The following ITSN1 variants were observed in gnomAD, a reference collection of about 807,000 sequenced individuals.
ITSN1 encodes intersectin 1.
A neutral mutation model predicts 239.8 loss-of-function variants in ITSN1; 58 were observed. The ratio of observed to expected loss-of-function variants is 0.24; its 90% CI spans 0.20 to 0.30. The LOEUF is 0.30. ITSN1 is among the 10% of genes least tolerant of loss of function. The probability of loss-of-function intolerance (pLI) is 1.00; values close to 1 mark genes in which losing one functional copy is unlikely to be tolerated. For missense variants in ITSN1, 1,558 were observed against 2,103.3 expected (o/e 0.74, Z 5.07); for synonymous variants, 780 against 770.8 (o/e 1.01, Z -0.20).
At chr21:33,807,355 GTCC>G (rs1389213216) in intron 20 of ITSN1, among the ~76,000 whole-genome samples, 2 of 152,184 alleles carry the variant, frequency 1.3e-5, no homozygotes, top group African/African-American at 4.8e-5. Flanking sequence ...CATTCCAGAT[GTCC>G]ACCAGTGTCT....
intron 11 of ITSN1, among the ~76,000 whole-genome samples, chr21:33,769,549 G>A (rs181575175): frequency 2.8e-4 from 42 of 152,288 alleles, no homozygotes; most frequent in African/African-American, 9.6e-4. Context: ...CCAAGATCAC[G>A]GTGTGCAGAT....
At chr21:33,748,882 TA>T (rs142427393) in intron 5 of ITSN1, among the ~76,000 whole-genome samples, 5 of 150,820 alleles carry the variant, frequency 3.3e-5, no homozygotes, top group African/African-American at 4.9e-5. Flanking sequence ...CAAAAATATT[TA>T]AAAAAAATCA....
intron 1 of ITSN1, among the ~76,000 whole-genome samples, chr21:33,705,658 C>T (rs2092224811): frequency 6.6e-6 from 1 of 152,166 alleles, no homozygotes; most frequent in African/African-American, 2.4e-5. Context: ...TCCCAAAGTG[C>T]TGGGATTACA....
intron 1 of ITSN1, among the ~76,000 whole-genome samples, chr21:33,710,083 T>G (rs1376903296): frequency 2.0e-5 from 3 of 148,484 alleles, no homozygotes; most frequent in African/African-American, 4.9e-5. Flanking sequence ...TTTTTTTTGT[T>G]TTTTTTTTTT....
At chr21:33,716,943 A>T (rs2065180659) in intron 1 of ITSN1, among the ~76,000 whole-genome samples, 1 of 151,840 alleles carries the variant, frequency 6.6e-6, no homozygotes, top group South Asian at 2.1e-4. Flanking sequence ...CTCAAAAAAA[A>T]AAAAAAGTGA....
chr21:33,715,508 T>C (rs1393577013), intron 1 of ITSN1, among the ~76,000 whole-genome samples: 1 of 152,192 alleles, frequency 6.6e-6, no homozygotes, highest in Non-Finnish European at 1.5e-5. Context: ...GACATGTTGA[T>C]TCCAAAAGGA....
At chr21:33,886,147 G>A in intron 38 of ITSN1, 140 bp from the exon 39 acceptor site, 1 of 639,978 alleles carries the variant, frequency 1.6e-6, no homozygotes, top group Non-Finnish European at 2.7e-6. Flanking sequence ...AGGAGGTGGA[G>A]GTTGCAATGA....
chr21:33,778,839 A>G (rs1228591238), intron 14 of ITSN1, among the ~76,000 whole-genome samples: 1 of 141,028 alleles, frequency 7.1e-6, no homozygotes, highest in Non-Finnish European at 1.5e-5. Context: ...CGGCCTCCCA[A>G]AGTGCTGGGA....
intron 30 of ITSN1, among the ~76,000 whole-genome samples, chr21:33,858,154 TG>T (rs1475767034): frequency 6.6e-6 from 1 of 152,188 alleles, no homozygotes; most frequent in African/African-American, 2.4e-5. Context: ...CTGCAAGTGC[TG>T]GGTCTGTCCA....
chr21:33,766,469 A>G (rs1466531110), intron 10 of ITSN1, among the ~76,000 whole-genome samples: 1 of 152,222 alleles, frequency 6.6e-6, no homozygotes, highest in Non-Finnish European at 1.5e-5. Flanking sequence ...TAAAGATGTC[A>G]AGAGAGTCAC....
At chr21:33,644,102 G>A (rs1187571430) in intron 1 of ITSN1, among the ~76,000 whole-genome samples, 1 of 152,190 alleles carries the variant, frequency 6.6e-6, no homozygotes, top group African/African-American at 2.4e-5. Flanking sequence ...TGACTTTAAG[G>A]TTGAGAGTGC....
chr21:33,833,331 G>A (rs117692112), intron 27 of ITSN1, among the ~76,000 whole-genome samples: 392 of 152,246 alleles, frequency 2.6e-3, no homozygotes, highest in Non-Finnish European at 3.2e-3. Context: ...TGGGCCTACG[G>A]GTTTGTGAAA....
chr21:33,794,585 A>G (rs2071389999), intron 17 of ITSN1, 117 bp downstream of exon 17: 9 of 1,346,008 alleles, frequency 6.7e-6, no homozygotes, highest in South Asian at 2.9e-5. Flanking sequence ...TTTAGTGTGC[A>G]TGTGAAGTGT....
intron 29 of ITSN1, among the ~76,000 whole-genome samples, chr21:33,845,962 TGCAG>T (rs931813495): frequency 6.6e-6 from 1 of 151,952 alleles, no homozygotes; most frequent in Non-Finnish European, 1.5e-5. Flanking sequence ...GGGATGGGGG[TGCAG>T]GCAGGCAGTG....
rs564587486 is a variant in ITSN1 at position 33,655,989 on chromosome 21, G to C, written c.-33+13276G>C. Among the ~76,000 whole-genome samples, 6 of 152,246 alleles carry C rather than the reference G, an allele frequency of 3.9e-5. No homozygotes were observed. In the South Asian group the frequency reaches 1.2e-3, roughly 32 times the overall value. The stretch of plus-strand genomic sequence containing the variant: ...AGGAGAGAGAAGGAAGAAAAAGGAA[G>C]GTTGCTTTATTGCCACAGTTTTCTT... On this transcript the variant is annotated intron_variant, in intron 1 of 39. Coordinates refer to ENST00000381318, the MANE Select transcript of ITSN1 (RefSeq NM_003024.3).
chr21:33,667,786 C>G (rs139994330), intron 1 of ITSN1, among the ~76,000 whole-genome samples: 86 of 152,210 alleles, frequency 5.7e-4, no homozygotes, highest in African/African-American at 1.9e-3. Flanking sequence ...TATGTAATAC[C>G]GCTCCTTATG....
intron 1 of ITSN1, among the ~76,000 whole-genome samples, chr21:33,662,612 T>C (rs2089644409): frequency 6.6e-6 from 1 of 152,218 alleles, no homozygotes. Flanking sequence ...GGAAGGTTTC[T>C]TGGTATTATC....
rs186160181 is a variant in ITSN1 at position 33,659,208 on chromosome 21, T to C, written c.-33+16495T>C. 3.4e-3 allele frequency among the ~76,000 whole-genome samples: 511 copies of C among 152,334 alleles called. 1 individual carries two copies. Among genetic ancestry groups the C allele is most frequent in the Non-Finnish European group, 5.5e-3 (371 of 68,010 alleles). On this transcript the variant is annotated intron_variant, in intron 1 of 39. Transcript: ENST00000381318. ...GAGAGCTGGGTTGGTGAACCCATGA[T>C]GTGCAGAAAGGTGAGTGCCTATATT...
intron 1 of ITSN1, among the ~76,000 whole-genome samples, chr21:33,675,167 A>G (rs187564891): frequency 1.4e-4 from 21 of 152,270 alleles, no homozygotes; most frequent in Non-Finnish European, 2.8e-4. Context: ...GGCGCAGAGT[A>G]TCTTACTCTG....
Sources: allele counts gnomAD v4.1 joint callset (sites outside exome capture counted in the v4.1 genomes callset), GRCh38; gene constraint gnomAD v4.1.1; transcripts MANE v1.5; gene names NCBI Gene and HGNC (gene_info 2026-07-23, HGNC 2026-07-21).